The following PHKG2 variants were observed in gnomAD, a reference collection of about 807,000 sequenced individuals.
PHKG2 encodes phosphorylase kinase catalytic subunit gamma 2.
A neutral mutation model predicts 44.5 loss-of-function variants in PHKG2; 28 were observed. That is an observed-to-expected ratio of 0.63 (90% confidence interval 0.47 to 0.86). The LOEUF (loss-of-function observed/expected upper bound fraction) is 0.86, where lower values mean the gene tolerates loss of function less well. PHKG2 is among the 40% of genes least tolerant of loss of function. PHKG2 has a pLI of 0.00. For synonymous variants in PHKG2, 220 were observed against 211.2 expected (o/e 1.04, Z -0.36); for missense variants, 498 against 547.5 (o/e 0.91, Z 0.90).
At chr16:30,755,151 A>C (rs555186665) in intron 6 of PHKG2, 4 of 315,018 alleles carry the variant, frequency 1.3e-5, no homozygotes, top group East Asian at 8.2e-5. Flanking sequence ...CTGAAGGAGG[A>C]GGCTCACTTG....
intron 6 of PHKG2, among the ~76,000 whole-genome samples, chr16:30,755,712 C>T (rs1478158772): frequency 6.6e-6 from 1 of 152,040 alleles, no homozygotes; most frequent in Non-Finnish European, 1.5e-5. Context: ...ATCTCCACTT[C>T]TTCCCCTTGG....
chr16:30,748,907 C>A lies in PHKG2; in HGVS notation c.87C>A (p.Val29=). The A allele has an allele frequency of 6.4e-7, 1 of 1,552,474 alleles. No homozygotes were observed. Residue 29 remains valine (V), a synonymous_variant, in exon 2 of 10, where the codon GTC becomes GTA. Transcript: ENST00000563588. ...EFYQKYDPKD[V]IGRGVSSVVR... is the part of the protein sequence containing the mutation. ...ACCAGAAGTACGACCCTAAGGACGT[C>A]ATCGGCAGGTAAGGCCGCGGCCAGG...
At chr16:30,750,431 G>T (rs1345151133) in intron 2 of PHKG2, among the ~76,000 whole-genome samples, 1 of 152,200 alleles carries the variant, frequency 6.6e-6, no homozygotes, top group African/African-American at 2.4e-5. Context: ...CTGGATCCTG[G>T]AGGGATTTGC....
At position 30,759,979 on chromosome 16, in the gene PHKG2, A is replaced by G. The variant is rs1017406725; in HGVS notation, c.*2882A>G. The G allele has an allele frequency of 9.6e-6, 14 of 1,455,200 alleles. No individual in the cohort carries two copies. The Admixed American group carries it at 3.4e-4, about 35-fold the overall frequency. The allele number at this position is 1,455,200 out of a possible 1,614,324, so 90.1% of individuals were successfully genotyped here. On this transcript the variant is annotated 3_prime_UTR_variant, in exon 10 of 10. Coordinates refer to ENST00000563588, the MANE Select transcript of PHKG2 (RefSeq NM_000294.3). ...TCTAGGGGAATAAACCAAGAAATAGATCATTTCAGCTATTAAACATTCTGA... is the reference window on the plus strand; with the variant it reads ...TCTAGGGGAATAAACCAAGAAATAGGTCATTTCAGCTATTAAACATTCTGA...
At position 30,761,147 on chromosome 16, in the gene PHKG2, G is replaced by A. The variant is rs1038123542; in HGVS notation, c.*4050G>A. ...TGGCCACAGACAGGACTGTTGGGGA[G>A]ACAATAAAGAACGCAAATATTCAGT... On this transcript the variant is annotated 3_prime_UTR_variant, in exon 10 of 10. Transcript: ENST00000563588. 3.8e-6 allele frequency: 6 copies of A among 1,598,212 alleles called. No homozygotes were observed. Among genetic ancestry groups the A allele is most frequent in the East Asian group, 2.2e-5 (1 of 44,726 alleles).
At chr16:30,754,765 A>G in intron 6 of PHKG2, 1 of 422,568 alleles carries the variant, frequency 2.4e-6, no homozygotes, top group Non-Finnish European at 4.9e-6. Flanking sequence ...TGGGTAATTC[A>G]GGCTTCACTT....
In PHKG2 at chr16:30,758,702, C is replaced by T; in HGVS notation, c.*1605C>T. 5 of 367,368 alleles carry T rather than the reference C, an allele frequency of 1.4e-5. No homozygotes were observed. The highest frequency in any genetic ancestry group is 4.9e-5 in the South Asian group (2 of 40,906). 22.8% of individuals were successfully genotyped at this position (367,368 alleles called of 1,614,324 possible). ...TCCTGAGTAGCTGGGACTACAAGCGCGCACCACCATGCCTGGCTATTTTTT... is the reference window on the plus strand; with the variant it reads ...TCCTGAGTAGCTGGGACTACAAGCGTGCACCACCATGCCTGGCTATTTTTT... On this transcript the variant is annotated 3_prime_UTR_variant, in exon 10 of 10. Coordinates refer to ENST00000563588, the MANE Select transcript of PHKG2 (RefSeq NM_000294.3).
intron 5 of PHKG2, 39 bp from the exon 6 acceptor site, chr16:30,753,355 A>T: frequency 1.9e-6 from 3 of 1,613,602 alleles, no homozygotes; most frequent in Non-Finnish European, 2.5e-6. Flanking sequence ...GGCAGGGAGG[A>T]GCCGAGGAGG....
chr16:30,753,812 G>A (rs549392817), intron 6 of PHKG2, among the ~76,000 whole-genome samples: 5 of 152,294 alleles, frequency 3.3e-5, no homozygotes, highest in African/African-American at 1.2e-4. Flanking sequence ...GGGGAACCCG[G>A]AGGAAGGAAC....
chr16:30,760,157 A>C lies in PHKG2; in HGVS notation c.*3060A>C. On this transcript the variant is annotated 3_prime_UTR_variant, in exon 10 of 10. Transcript: ENST00000563588. ...GGATTGGAAAGCTGATGGCTTGTGT[A>C]TGATGATGCTACTAATAATGACATA... The C allele has an allele frequency of 1.3e-6, 2 of 1,584,806 alleles. No homozygotes were observed. The highest frequency in any genetic ancestry group is 1.7e-6 in the Non-Finnish European group (2 of 1,172,028).
rs200288919 is a variant in PHKG2, at chr16:30,756,701, C to T, written c.913C>T (p.Arg305Cys). The T allele has an allele frequency of 1.4e-5, 22 of 1,614,072 alleles. No individual in the cohort carries two copies. Among genetic ancestry groups the T allele is most frequent in the African/African-American group, 9.3e-5 (7 of 75,030 alleles). Residue 305 changes from arginine (R) to cysteine (C), a missense_variant, in exon 9 of 10, where the codon CGC (arginine) becomes TGC (cysteine). Coordinates refer to ENST00000563588, the MANE Select transcript of PHKG2 (RefSeq NM_000294.3). Reference sequence around the variant, plus strand: ...CAGCCAACCCTGGAACCTCACCCCCCGCCAGCGGTTCCGGGTAAGCCTGAG... The same window carrying T: ...CAGCCAACCCTGGAACCTCACCCCCTGCCAGCGGTTCCGGGTAAGCCTGAG... ...EGSQPWNLTPRQRFRVAVWTV... is the reference protein window; with the variant it reads ...EGSQPWNLTPCQRFRVAVWTV...
At position 30,756,612 on chromosome 16, in the gene PHKG2, A is replaced by C. The variant is rs748011645; in HGVS notation, c.824A>C (p.Asp275Ala). ...TAGATCTCCAGGCTGCTGCAGGTGG[A>C]TCCTGAGGCACGCCTGACAGCTGAG... The part of the protein sequence containing the change: ...KDLISRLLQV[D>A]PEARLTAEQA... Residue 275 changes from aspartate to alanine, a missense_variant, in exon 9 of 10, where the codon GAT becomes GCT. By Grantham distance (126) the Asp-to-Ala change is moderately radical. Coordinates refer to ENST00000563588, the MANE Select transcript of PHKG2 (RefSeq NM_000294.3). The C allele has an allele frequency of 2.7e-5, 43 of 1,613,790 alleles. No homozygotes were observed. Among genetic ancestry groups the C allele is most frequent in the Non-Finnish European group, 3.6e-5 (42 of 1,180,002 alleles).
Position 30,753,391 on chromosome 16 carries a change from C to G in PHKG2, c.393-3C>G. ...AGACTGCACCCGCCTCCCCTTCCCC[C>G]AGGTCCATCATGCGGTCTCTGCTGG... is the stretch of plus-strand genomic sequence containing the variant. On this transcript the variant is annotated splice_region_variant and splice_polypyrimidine_tract_variant and intron_variant, in intron 5 of 9. Transcript: ENST00000563588. The G allele has an allele frequency of 6.2e-7, 1 of 1,614,180 alleles. No homozygotes were observed.
In PHKG2 at chr16:30,753,253, T is replaced by A. The variant is rs767112052; in HGVS notation, c.348T>A (p.Phe116Leu). The change falls in exon 5 of 10, where the codon TTT becomes TTA. Residue 116 changes from phenylalanine to leucine, a missense_variant. Coordinates refer to ENST00000563588, the MANE Select transcript of PHKG2 (RefSeq NM_000294.3). ...TTAGGATGCGGAAGGGAGAGCTGTTTGACTATCTCACAGAGAAGGTGGCCC... is the reference window on the plus strand; with the variant it reads ...TTAGGATGCGGAAGGGAGAGCTGTTAGACTATCTCACAGAGAAGGTGGCCC... ...VFDLMRKGEL[F>L]DYLTEKVALS... is the part of the protein sequence containing the mutation. 1.2e-6 allele frequency: 2 copies of A among 1,614,038 alleles called. No homozygotes were observed. The highest frequency in any genetic ancestry group is 1.7e-6 in the Non-Finnish European group (2 of 1,179,966).
chr16:30,759,274 A>G lies in PHKG2; in HGVS notation c.*2177A>G. The G allele has an allele frequency of 6.2e-7, 1 of 1,613,962 alleles. No homozygotes were observed. The highest frequency in any genetic ancestry group is 8.5e-7 in the Non-Finnish European group (1 of 1,179,902). ...TGGGAAGCAAGGCAGAGGGAGGCTG[A>G]AAGGAGTGCACCTGTGCTGAGGGGA... On this transcript the variant is annotated 3_prime_UTR_variant, in exon 10 of 10. Transcript: ENST00000563588.
chr16:30,750,786 CTTT>C (rs2053333676), intron 2 of PHKG2, among the ~76,000 whole-genome samples: 1 of 152,118 alleles, frequency 6.6e-6, no homozygotes, highest in African/African-American at 2.4e-5. Context: ...TTAGATCTTT[CTTT>C]CCCCTTCCTG....
At position 30,749,148 on chromosome 16, in the gene PHKG2, G is replaced by GTGC. The variant is rs1269965124; in HGVS notation, c.95+235_95+236insCTG. 4.3e-4 allele frequency among the ~76,000 whole-genome samples: 56 copies of GTGC among 131,474 alleles called. 4 individuals carry two copies. In the East Asian group the frequency reaches 0.012, roughly 28 times the overall value. The allele number at this position is 131,474 out of a possible 152,430, so 86.3% of individuals were successfully genotyped here. A position where few individuals can be genotyped will look rare whatever the true frequency, so the allele number is the denominator to read the frequency against. The stretch of plus-strand genomic sequence containing the variant: ...GCTGGTGGTGGTGGTGCTGGTGCTG[G>GTGC]TGGTGGTGCTGGTGGTGGTGGTGCT... On this transcript the variant is annotated intron_variant, in intron 2 of 9. Coordinates refer to ENST00000563588, the MANE Select transcript of PHKG2 (RefSeq NM_000294.3).
chr16:30,752,136 C>A (rs1255094989), intron 4 of PHKG2, among the ~76,000 whole-genome samples: 1 of 143,830 alleles, frequency 7.0e-6, no homozygotes, highest in Non-Finnish European at 1.5e-5. Flanking sequence ...GTAGCTCATG[C>A]CTGTAATCCC....
chr16:30,753,380 T>G lies in PHKG2; in HGVS notation c.393-14T>G. On this transcript the variant is annotated splice_polypyrimidine_tract_variant and intron_variant, in intron 5 of 9. Coordinates refer to ENST00000563588, the MANE Select transcript of PHKG2 (RefSeq NM_000294.3). ...AGCCGAGGAGGAGACTGCACCCGCCTCCCCTTCCCCCAGGTCCATCATGCG... is the reference window on the plus strand; with the variant it reads ...AGCCGAGGAGGAGACTGCACCCGCCGCCCCTTCCCCCAGGTCCATCATGCG... The G allele has an allele frequency of 1.2e-6, 2 of 1,614,062 alleles. No individual in the cohort carries two copies. Among genetic ancestry groups the G allele is most frequent in the Non-Finnish European group, 8.5e-7 (1 of 1,179,988 alleles).
Sources: gnomAD v4.1 joint callset for allele counts (sites outside exome capture counted in the v4.1 genomes callset) on GRCh38, gnomAD v4.1.1 for gene constraint, MANE v1.5 for transcripts, NCBI Gene and HGNC (gene_info 2026-07-23, HGNC 2026-07-21) for gene names.